The following PSG6 variants were observed in gnomAD, a reference collection of about 807,000 sequenced individuals.
PSG6 encodes the protein pregnancy-specific beta-1-glycoprotein 6.
Under a neutral mutation model 43.3 loss-of-function variants are expected in PSG6, and 51 were observed. The ratio of observed to expected loss-of-function variants is 1.18; its 90% confidence interval spans 0.94 to 1.49. The LOEUF is 1.49. PSG6 is among the 40% of genes most tolerant of loss of function. The pLI is 0.00. For synonymous variants in PSG6, 292 were observed against 197.6 expected (o/e 1.48, Z -4.01); for missense variants, 770 against 522.2 (o/e 1.47, Z -4.62).
Position 42,902,436 on chromosome 19 carries a change from A to C in PSG6, c.1251T>G (p.His417Gln). 6.2e-7 allele frequency: 1 copy of C among 1,611,296 alleles called. No individual in the cohort carries two copies. The highest frequency in any genetic ancestry group is 1.7e-5 in the Admixed American group (1 of 59,826). The change falls in exon 6 of 6, where the codon CAT becomes CAG. Residue 417 changes from histidine (H) to glutamine (Q), a missense_variant. His to Gln is a conservative substitution (Grantham distance 24). Transcript: ENST00000187910. ...SMIVKVSGPC[H>Q]GNQTESH ...ATTAATGAGACTCTGTCTGGTTTCC[A>C]TGGCAGGGACCTGATTGACAGAAGG...
chr19:42,911,705 A>T (rs909776356), intron 2 of PSG6, among the ~76,000 whole-genome samples: 3 of 151,794 alleles, frequency 2.0e-5, no homozygotes, highest in African/African-American at 7.3e-5. Flanking sequence ...AAACATGAAC[A>T]GATGACAGAA....
chr19:42,910,335 C>G, intron 3 of PSG6: 1 of 1,015,774 alleles, frequency 9.8e-7, no homozygotes, highest in Admixed American at 2.8e-5. Context: ...CTGAGACATT[C>G]ACCTGTTTCT....
In PSG6 at chr19:42,902,320, G is replaced by T; in HGVS notation, c.*92C>A. The T allele has an allele frequency of 2.8e-6, 4 of 1,421,634 alleles. No homozygotes were observed. Among genetic ancestry groups the T allele is most frequent in the South Asian group, 1.3e-5 (1 of 77,462 alleles). The allele number at this position is 1,421,634 out of a possible 1,614,324, so 88.1% of individuals were successfully genotyped here. Reference sequence around the variant, plus strand: ...AAAACATTATCCTTTTGATTATTTAGTCCAATAACATTGAGTTTTTTTCTT... The same window carrying T: ...AAAACATTATCCTTTTGATTATTTATTCCAATAACATTGAGTTTTTTTCTT... On this transcript the variant is annotated 3_prime_UTR_variant, in exon 6 of 6. Transcript: ENST00000187910.
At chr19:42,914,135 C>T (rs1972278912) in intron 2 of PSG6, among the ~76,000 whole-genome samples, 1 of 151,518 alleles carries the variant, frequency 6.6e-6, no homozygotes, top group South Asian at 2.1e-4. Flanking sequence ...ATGGTCTTGT[C>T]CACAGGTCAG....
Position 42,907,071 on chromosome 19 carries a change from G to A in PSG6, c.1091C>T (p.Ser364Phe), listed in dbSNP as rs150698813. The change falls in exon 5 of 6, where the codon TCT (serine) becomes TTT (phenylalanine). Residue 364 changes from serine to phenylalanine, a missense_variant. Transcript: ENST00000187910. ...CTGAAACTTCCCATTAATTGTCCAA[G>A]AATACTCTGCCGGTGGGTTAGAGTC... ...FADSNPPAEY[S>F]WTINGKFQLS... The A allele has an allele frequency of 0.01, 16,604 of 1,612,672 alleles. 588 individuals carry two copies. The highest frequency in any genetic ancestry group is 0.04 in the South Asian group (3,644 of 90,840).
At chr19:42,903,679 C>G in intron 5 of PSG6, 1 of 1,528,510 alleles carries the variant, frequency 6.5e-7, no homozygotes, top group Non-Finnish European at 8.8e-7. Context: ...TTCTTGAAAC[C>G]AGGTGTTTGG....
At chr19:42,907,375 T>A (rs1800157378) in intron 4 of PSG6, among the ~76,000 whole-genome samples, 199 bp from the exon 5 acceptor site, 1 of 151,894 alleles carries the variant, frequency 6.6e-6, no homozygotes, top group Admixed American at 6.6e-5. Context: ...TAGTGTCCCA[T>A]GACAAGAGCG....
At chr19:42,906,760 G>C in intron 5 of PSG6, 162 bp downstream of exon 5, 4 of 1,574,726 alleles carry the variant, frequency 2.5e-6, no homozygotes, top group South Asian at 1.2e-5. Flanking sequence ...AAGCAGAAGA[G>C]AGTCTGTAGA....
chr19:42,902,152 G>C lies in PSG6; in HGVS notation c.*260C>G. 2.4e-6 allele frequency: 1 copy of C among 409,206 alleles called. No homozygotes were observed. The highest frequency in any genetic ancestry group is 4.5e-6 in the Non-Finnish European group (1 of 223,736). The allele number at this position is 409,206 out of a possible 1,614,324, so 25.3% of individuals were successfully genotyped here. On this transcript the variant is annotated 3_prime_UTR_variant, in exon 6 of 6. Coordinates refer to ENST00000187910, the MANE Select transcript of PSG6 (RefSeq NM_001031850.4). Reference sequence around the variant, plus strand: ...ACTCATGAATAGTTTCCCAATTCTGGGGCACTCAGATAGAGAGCAAAAGCA... The same window carrying C: ...ACTCATGAATAGTTTCCCAATTCTGCGGCACTCAGATAGAGAGCAAAAGCA...
At chr19:42,908,402 A>G (rs1015955333) in intron 3 of PSG6, among the ~76,000 whole-genome samples, 6 of 151,726 alleles carry the variant, frequency 4.0e-5, no homozygotes, top group African/African-American at 1.5e-4. Flanking sequence ...TCAAGCCTGT[A>G]GGTCAGTTCA....
rs1278551681 is a variant in PSG6 at position 42,911,881 on chromosome 19, A to G, written c.428-1023T>C. ...TCCAGAGGGAATCAGAGATTAGAAT[A>G]GTAGTTTGCAGCAACTGAAATCACG... On this transcript the variant is annotated intron_variant, in intron 2 of 5. Transcript: ENST00000187910. 7.3e-5 allele frequency among the ~76,000 whole-genome samples: 11 copies of G among 151,636 alleles called. 2 individuals carry two copies. The South Asian group carries it at 1.5e-3, about 20-fold the overall frequency.
intron 3 of PSG6, 184 bp downstream of exon 3, chr19:42,910,396 C>T (rs1480293080): frequency 2.7e-6 from 4 of 1,470,550 alleles, no homozygotes; most frequent in Admixed American, 1.9e-5. Flanking sequence ...GAAGCCTCTT[C>T]TCTCTTATTG....
Position 42,907,218 on chromosome 19 carries a change from G to A in PSG6, c.986-42C>T, listed in dbSNP as rs781198652. The A allele has an allele frequency of 2.1e-5, 34 of 1,594,460 alleles. No homozygotes were observed. The East Asian group carries it at 7.2e-4, about 34-fold the overall frequency. The stretch of plus-strand genomic sequence containing the variant: ...AAAGCCACAGGTGATGTCATCCAAG[G>A]GAAGGGGATGCTCCTGGTCTCTTAA... On this transcript the variant is annotated intron_variant, in intron 4 of 5. Transcript: ENST00000187910.
chr19:42,906,715 C>T (rs1063010), intron 5 of PSG6: 5 of 1,499,556 alleles, frequency 3.3e-6, no homozygotes, highest in Non-Finnish European at 4.5e-6. Flanking sequence ...TTTCTCAGGC[C>T]AGACACAAGG....
intron 2 of PSG6, among the ~76,000 whole-genome samples, chr19:42,913,311 C>T (rs1468029345): frequency 6.6e-6 from 1 of 151,538 alleles, no homozygotes; most frequent in African/African-American, 2.4e-5. Context: ...CCACCATGCC[C>T]AGCTAATTTT....
chr19:42,902,532 A>G, intron 5 of PSG6, 86 bp from the exon 6 acceptor site: 2 of 1,557,144 alleles, frequency 1.3e-6, no homozygotes, highest in Non-Finnish European at 1.8e-6. Flanking sequence ...GCTCCCAGCA[A>G]GGGTGTGAAA....
intron 2 of PSG6, among the ~76,000 whole-genome samples, chr19:42,913,561 C>T (rs115617654): frequency 0.024 from 3,626 of 151,750 alleles, 207 homozygotes; most frequent in African/African-American, 0.083. Context: ...AGCCAGAAGT[C>T]TCTAGAAAGT....
chr19:42,907,245 G>A (rs2122624267), intron 4 of PSG6, 69 bp from the exon 5 acceptor site: 2 of 1,563,312 alleles, frequency 1.3e-6, no homozygotes, highest in Non-Finnish European at 1.7e-6. Context: ...GTCTCTTAAA[G>A]GGACACAGTG....
chr19:42,916,666 C>A (rs1360027999), intron 1 of PSG6, among the ~76,000 whole-genome samples, 179 bp from the exon 2 acceptor site: 1 of 149,422 alleles, frequency 6.7e-6, no homozygotes, highest in African/African-American at 2.5e-5. Context: ...GTGTGTGTGT[C>A]CTACTGTCCT....
Sources: allele counts gnomAD v4.1 joint callset (sites outside exome capture counted in the v4.1 genomes callset), GRCh38; gene constraint gnomAD v4.1.1; transcripts MANE v1.5; gene names NCBI Gene and HGNC (gene_info 2026-07-23, HGNC 2026-07-21).